The following SEMA6D variants were observed in gnomAD, a reference collection of about 807,000 sequenced individuals.
SEMA6D encodes semaphorin 6D, also known as semaphorin-6D.
A neutral mutation model predicts 106.6 loss-of-function variants in SEMA6D; 35 were observed. That is an observed-to-expected ratio of 0.33 (90% confidence interval 0.25 to 0.44). SEMA6D has a LOEUF of 0.44. SEMA6D is among the 20% of genes least tolerant of loss of function. The pLI is 1.00. For missense variants in SEMA6D, 1,185 were observed against 1,345.9 expected, an observed-to-expected ratio of 0.88 and a Z score of 1.87; for synonymous variants, 499 against 487.7, an observed-to-expected ratio of 1.02 and a Z score of -0.31.
chr15:47,595,560 CTT>C (rs747106780), intron 3 of SEMA6D, among the ~76,000 whole-genome samples: 5 of 152,064 alleles, frequency 3.3e-5, no homozygotes, highest in Non-Finnish European at 7.4e-5. Context: ...ATTGTAATGT[CTT>C]TGTCTGGCTT....
At chr15:47,577,715 C>G (rs2076180406) in intron 3 of SEMA6D, among the ~76,000 whole-genome samples, 1 of 152,126 alleles carries the variant, frequency 6.6e-6, no homozygotes, top group Non-Finnish European at 1.5e-5. Context: ...TTTTGCTTTC[C>G]CTCCCTTACC....
chr15:47,769,431 G>A (rs1243595914), intron 18 of SEMA6D, among the ~76,000 whole-genome samples: 1 of 151,924 alleles, frequency 6.6e-6, no homozygotes, highest in Non-Finnish European at 1.5e-5. Context: ...CATTTTATAT[G>A]TTTTCGTTGT....
At chr15:47,753,459 G>A (rs1316547665) in intron 1 of SEMA6D, among the ~76,000 whole-genome samples, 2 of 152,110 alleles carry the variant, frequency 1.3e-5, no homozygotes, top group Admixed American at 1.3e-4. Context: ...GCAGAATAAT[G>A]GACATGATTG....
At chr15:47,765,302 A>G in intron 13 of SEMA6D, 1 of 1,270,964 alleles carries the variant, frequency 7.9e-7, no homozygotes, top group Non-Finnish European at 1.0e-6. Context: ...AGAATATGAG[A>G]ACATTTTAAC....
At chr15:47,624,837 A>G (rs1329171043) in intron 4 of SEMA6D, among the ~76,000 whole-genome samples, 1 of 152,048 alleles carries the variant, frequency 6.6e-6, no homozygotes, top group East Asian at 1.9e-4. Flanking sequence ...TAAGGCATCT[A>G]CTTTCAGTCA....
At chr15:47,354,197 C>CTA (rs1346243553) in intron 1 of SEMA6D, among the ~76,000 whole-genome samples, 118 of 36,732 alleles carry the variant, frequency 3.2e-3, no homozygotes, top group Non-Finnish European at 5.3e-3. Context: ...CTCTCTCTCT[C>CTA]TCTATATATA....
At chr15:47,562,129 G>A (rs1477860702) in intron 3 of SEMA6D, among the ~76,000 whole-genome samples, 4 of 151,856 alleles carry the variant, frequency 2.6e-5, no homozygotes, top group African/African-American at 9.7e-5. Context: ...AGATAGTCAA[G>A]GAATATACCC....
Position 47,544,279 on chromosome 15 carries a change from T to C in SEMA6D, c.-86-56586T>C, listed in dbSNP as rs190072582. Among the ~76,000 whole-genome samples, 907 of 152,244 alleles carry C rather than the reference T, an allele frequency of 6.0e-3. 11 individuals are homozygous for C. Among genetic ancestry groups the C allele is most frequent in the Non-Finnish European group, 7.4e-3 (502 of 67,988 alleles). On this transcript the variant is annotated intron_variant, in intron 3 of 19. Transcript: ENST00000558014. ...CAATCCCAAAATATCCAAAATAAAG[T>C]GTGCTCTGAATTTTGATGACAACAT...
At chr15:47,417,105 G>C (rs1034715501) in intron 2 of SEMA6D, among the ~76,000 whole-genome samples, 2 of 151,846 alleles carry the variant, frequency 1.3e-5, no homozygotes, top group Admixed American at 1.3e-4. Context: ...AGGGGAAAGG[G>C]GAGTTATAGT....
chr15:47,385,743 A>G (rs2039814505), intron 1 of SEMA6D, among the ~76,000 whole-genome samples: 1 of 152,174 alleles, frequency 6.6e-6, no homozygotes, highest in Non-Finnish European at 1.5e-5. Context: ...GGAAATGATA[A>G]CTGTAACTGA....
intron 4 of SEMA6D, among the ~76,000 whole-genome samples, chr15:47,700,748 G>C (rs1258749341): frequency 6.6e-6 from 1 of 152,088 alleles, no homozygotes; most frequent in African/African-American, 2.4e-5. Context: ...AACATAGCAA[G>C]TTCATATATC....
At chr15:47,355,176 G>A (rs1226524298) in intron 1 of SEMA6D, among the ~76,000 whole-genome samples, 1 of 152,104 alleles carries the variant, frequency 6.6e-6, no homozygotes, top group African/African-American at 2.4e-5. Context: ...GGAGACAGAA[G>A]TTGGGGCAGA....
intron 4 of SEMA6D, among the ~76,000 whole-genome samples, chr15:47,654,907 A>G (rs1305565374): frequency 6.6e-6 from 1 of 152,214 alleles, no homozygotes; most frequent in Non-Finnish European, 1.5e-5. Context: ...TCAGTCTCAC[A>G]TATTCCTTTA....
At chr15:47,319,918 G>C (rs1210800056) in intron 1 of SEMA6D, among the ~76,000 whole-genome samples, 1 of 152,070 alleles carries the variant, frequency 6.6e-6, no homozygotes, top group Non-Finnish European at 1.5e-5. Flanking sequence ...ATCAATTACA[G>C]TTTGGGTTTC....
At chr15:47,236,298 A>C (rs1471904810) in intron 1 of SEMA6D, among the ~76,000 whole-genome samples, 3 of 152,056 alleles carry the variant, frequency 2.0e-5, no homozygotes, top group African/African-American at 7.2e-5. Flanking sequence ...TAAATGGATC[A>C]CACCCACTGG....
chr15:47,291,683 A>G (rs2035598989), intron 1 of SEMA6D, among the ~76,000 whole-genome samples: 1 of 152,182 alleles, frequency 6.6e-6, no homozygotes, highest in African/African-American at 2.4e-5. Flanking sequence ...ACTATTATCT[A>G]TAATGCTTTG....
At chr15:47,321,279 T>C (rs1232445631) in intron 1 of SEMA6D, among the ~76,000 whole-genome samples, 2 of 152,234 alleles carry the variant, frequency 1.3e-5, no homozygotes, top group Non-Finnish European at 2.9e-5. Context: ...GAACTGAGTA[T>C]TATCCAAGTT....
intron 3 of SEMA6D, among the ~76,000 whole-genome samples, chr15:47,543,252 G>C (rs2045411509): frequency 6.6e-6 from 1 of 152,106 alleles, no homozygotes; most frequent in Non-Finnish European, 1.5e-5. Flanking sequence ...TTGGCTGTGT[G>C]CTCACCCAAA....
intron 3 of SEMA6D, among the ~76,000 whole-genome samples, chr15:47,504,306 C>A (rs1399011536): frequency 1.3e-5 from 2 of 152,160 alleles, no homozygotes; most frequent in African/African-American, 4.8e-5. Context: ...CTGGCTGCCT[C>A]TGTCCTCACC....
Sources: gnomAD v4.1 joint callset for allele counts (sites outside exome capture counted in the v4.1 genomes callset) on GRCh38, gnomAD v4.1.1 for gene constraint, MANE v1.5 for transcripts, NCBI Gene and HGNC (gene_info 2026-07-23, HGNC 2026-07-21) for gene names.